Variants in KIF26B observed in about 807,000 individuals in gnomAD.
KIF26B encodes the protein kinesin family member 26B.
In KIF26B, 63 loss-of-function variants were observed where a neutral mutation model predicts 151.2. The observed-to-expected ratio is 0.42, with a 90% CI of 0.34 to 0.51. The LOEUF (loss-of-function observed/expected upper bound fraction) is 0.51. Ranked by LOEUF, KIF26B falls within the 20% of genes least tolerant of loss-of-function variation. The pLI, the probability that KIF26B is intolerant of heterozygous loss-of-function variation, is 0.07. For synonymous variants in KIF26B, 1,357 were observed against 1,262.1 expected (o/e 1.08, Z -1.59); for missense variants, 2,813 against 2,913.6 (o/e 0.97, Z 0.79).
At chr1:245,350,155 T>A (rs1047641089) in intron 2 of KIF26B, among the ~76,000 whole-genome samples, 2 of 152,128 alleles carry the variant, frequency 1.3e-5, no homozygotes, top group Non-Finnish European at 2.9e-5. Flanking sequence ...TGGACCCGCC[T>A]GAGTCTGGGG....
At chr1:245,210,573 A>G (rs1367929719) in intron 2 of KIF26B, among the ~76,000 whole-genome samples, 6 of 151,734 alleles carry the variant, frequency 4.0e-5, no homozygotes, top group African/African-American at 1.2e-4. Context: ...AGGAGGAAAA[A>G]ACGTATTTTA....
intron 5 of KIF26B, among the ~76,000 whole-genome samples, chr1:245,557,010 G>A (rs1009118156): frequency 2.6e-5 from 4 of 152,140 alleles, no homozygotes; most frequent in East Asian, 1.9e-4. Flanking sequence ...GGGAGTGGGG[G>A]ACAAGGAACA....
chr1:245,438,565 G>A (rs1402214070), intron 4 of KIF26B, among the ~76,000 whole-genome samples: 1 of 151,988 alleles, frequency 6.6e-6, no homozygotes, highest in Non-Finnish European at 1.5e-5. Flanking sequence ...TGAAACGAAG[G>A]CGTTTGTTCA....
Position 245,244,774 on chromosome 1 carries a change from A to ACACACG in KIF26B, c.465+88096_465+88097insGCACAC, listed in dbSNP as rs1209178974. ...CGCACACTCACACACACACACACAC[A>ACACACG]CACACACACACACACACAGAACTGC... On this transcript the variant is annotated intron_variant, in intron 2 of 14. Transcript: ENST00000407071. This position sits in a 1 kb window ranked among gnomAD's most constrained non-coding sequence, Gnocchi z 4.2. Among the ~76,000 whole-genome samples the ACACACG allele has an allele frequency of 5.3e-5, 8 of 150,180 alleles. No individual in the cohort carries two copies. Among genetic ancestry groups the ACACACG allele is most frequent in the Non-Finnish European group, 1.2e-4 (8 of 67,880 alleles).
Position 245,687,187 on chromosome 1 carries a change from C to G in KIF26B, c.4204C>G (p.Arg1402Gly), listed in dbSNP as rs184020024. 4.9e-5 allele frequency: 79 copies of G among 1,612,676 alleles called. No individual in the cohort carries two copies. The highest frequency in any genetic ancestry group is 6.1e-5 in the Non-Finnish European group (72 of 1,179,622). Residue 1402 changes from arginine (R) to glycine (G), a missense_variant, in exon 12 of 15, where the codon CGG becomes GGG. By Grantham distance (125) the Arg-to-Gly change is moderately radical. This residue lies in a region of KIF26B where 2,060 missense variants were observed against 2,088.6 expected (regional missense o/e 0.99). Coordinates refer to ENST00000407071, the MANE Select transcript of KIF26B (RefSeq NM_018012.4). The surrounding 1 kb of genome is among the most constrained non-coding windows in gnomAD (Gnocchi z 4.9). ...TTACCCCTGCATTGCCATGAGCCCC[C>G]GGAACATCCAAGAGCCGGAGGCCCC... The part of the protein sequence containing the change: ...TVYPCIAMSP[R>G]NIQEPEAPTA...
chr1:245,286,827 G>T (rs1372467431), intron 2 of KIF26B, among the ~76,000 whole-genome samples: 2 of 152,098 alleles, frequency 1.3e-5, no homozygotes, highest in African/African-American at 4.8e-5. Flanking sequence ...GAAAATTTTG[G>T]CTGGGTGCGG....
intron 4 of KIF26B, among the ~76,000 whole-genome samples, chr1:245,433,937 G>C (rs1289844551): frequency 6.6e-6 from 1 of 152,058 alleles, no homozygotes; most frequent in Non-Finnish European, 1.5e-5. Flanking sequence ...ATTCTCTTGG[G>C]GGTCTGTAGT....
chr1:245,507,727 C>G (rs763459881), intron 4 of KIF26B, among the ~76,000 whole-genome samples: 7 of 152,186 alleles, frequency 4.6e-5, no homozygotes, highest in Non-Finnish European at 7.4e-5. Context: ...CGGGAGGCAG[C>G]CTTCCCAGCC....
intron 2 of KIF26B, among the ~76,000 whole-genome samples, chr1:245,360,600 C>A (rs911262157): frequency 6.6e-6 from 1 of 152,168 alleles, no homozygotes; most frequent in African/African-American, 2.4e-5. Flanking sequence ...AAAAATGGCT[C>A]CTGGTCACTC....
At chr1:245,294,726 G>A (rs1393998143) in intron 2 of KIF26B, among the ~76,000 whole-genome samples, 2 of 152,110 alleles carry the variant, frequency 1.3e-5, no homozygotes, top group African/African-American at 4.8e-5. Flanking sequence ...GCAGGGGCAT[G>A]ATCTCGGCTC....
chr1:245,651,736 C>A (rs1295421891), intron 10 of KIF26B, among the ~76,000 whole-genome samples: 1 of 152,150 alleles, frequency 6.6e-6, no homozygotes. Flanking sequence ...GAACCTCATG[C>A]TATTGTGAAC....
At chr1:245,309,859 TAA>T (rs1671632618) in intron 2 of KIF26B, among the ~76,000 whole-genome samples, 1 of 146,118 alleles carries the variant, frequency 6.8e-6, no homozygotes, top group Admixed American at 6.9e-5. Context: ...ATATAATATT[TAA>T]TATATATAAT....
intron 2 of KIF26B, among the ~76,000 whole-genome samples, chr1:245,183,868 G>A (rs1434767251): frequency 6.6e-6 from 1 of 151,920 alleles, no homozygotes; most frequent in Non-Finnish European, 1.5e-5. Flanking sequence ...TGGCACCAGG[G>A]CACAGCTGCC....
intron 4 of KIF26B, among the ~76,000 whole-genome samples, chr1:245,432,197 C>T (rs921852624): frequency 7.9e-5 from 12 of 152,090 alleles, no homozygotes; most frequent in Admixed American, 1.3e-4. Context: ...GGGAGATGGG[C>T]GGCTAAGTCT....
chr1:245,353,595 G>C (rs1179297630), intron 2 of KIF26B: 1 of 152,608 alleles, frequency 6.6e-6, no homozygotes, highest in Non-Finnish European at 1.5e-5. Flanking sequence ...CTCTGACTTC[G>C]TGGGTGTGTA....
At chr1:245,266,814 A>G (rs1670755074) in intron 2 of KIF26B, among the ~76,000 whole-genome samples, 1 of 151,838 alleles carries the variant, frequency 6.6e-6, no homozygotes, top group South Asian at 2.1e-4. Context: ...CTGTTTTACC[A>G]TTTTCTAATT....
intron 4 of KIF26B, among the ~76,000 whole-genome samples, chr1:245,522,120 T>A (rs151144489): frequency 6.6e-6 from 1 of 151,984 alleles, no homozygotes; most frequent in Non-Finnish European, 1.5e-5. Flanking sequence ...CTGCCCGCCT[T>A]GGCCTCCCAA....
At chr1:245,673,253 C>T (rs1412877411) in intron 10 of KIF26B, among the ~76,000 whole-genome samples, 4 of 146,634 alleles carry the variant, frequency 2.7e-5, no homozygotes, top group Non-Finnish European at 4.5e-5. Context: ...CCAGTCCCCG[C>T]TGGGCGCTGC....
chr1:245,279,333 G>A (rs1670996983), intron 2 of KIF26B, among the ~76,000 whole-genome samples: 1 of 145,824 alleles, frequency 6.9e-6, no homozygotes, highest in Non-Finnish European at 1.5e-5. Flanking sequence ...TAGAGAGGAG[G>A]TCTTGCTTTG....
Sources: allele counts gnomAD v4.1 joint callset (sites outside exome capture counted in the v4.1 genomes callset), GRCh38; gene constraint gnomAD v4.1.1; regional missense constraint gnomAD v4.1.1; non-coding constraint Gnocchi (gnomAD v3.1); transcripts MANE v1.5; gene names NCBI Gene and HGNC (gene_info 2026-07-23, HGNC 2026-07-21).